Variants in NEK5 observed in about 807,000 individuals in gnomAD.
NEK5 encodes NIMA related kinase 5, also known as serine/threonine-protein kinase Nek5.
Under a neutral mutation model 109.2 loss-of-function variants are expected in NEK5, and 88 were observed. The observed-to-expected ratio is 0.81, with a 90% CI of 0.68 to 0.96. The LOEUF (loss-of-function observed/expected upper bound fraction) is 0.96. Among genes scored for constraint, NEK5 ranks in the 40% least tolerant of loss-of-function variants. The probability of loss-of-function intolerance (pLI) is 0.00; values close to 1 mark genes in which losing one functional copy is unlikely to be tolerated. For missense variants in NEK5, 834 were observed against 920.7 expected (o/e 0.91, Z 1.22); for synonymous variants, 283 against 299.9 (o/e 0.94, Z 0.58).
intron 17 of NEK5, among the ~76,000 whole-genome samples, chr13:52,078,073 CAAA>C (rs749297441): frequency 4.4e-5 from 5 of 113,010 alleles, no homozygotes; most frequent in Admixed American, 9.4e-5. Flanking sequence ...AAACTTGTCT[CAAA>C]AAAAAAAAAA....
At chr13:52,113,237 A>G (rs1311333578) in intron 4 of NEK5, among the ~76,000 whole-genome samples, 1 of 152,216 alleles carries the variant, frequency 6.6e-6, no homozygotes, top group Non-Finnish European at 1.5e-5. Flanking sequence ...CATTAAAGAA[A>G]AGAGACTAGA....
chr13:52,099,637 TCCAG>T (rs1593977177), intron 12 of NEK5, 102 bp downstream of exon 12: 22 of 1,276,714 alleles, frequency 1.7e-5, no homozygotes, highest in Non-Finnish European at 2.1e-5. Flanking sequence ...GCCACTGCAC[TCCAG>T]CCTGGCGACA....
At chr13:52,063,158 A>G (rs543171619) in intron 21 of NEK5, among the ~76,000 whole-genome samples, 2 of 151,716 alleles carry the variant, frequency 1.3e-5, no homozygotes, top group African/African-American at 2.4e-5. Flanking sequence ...ATCTCGGCTC[A>G]CTGCAACCTC....
intron 19 of NEK5, among the ~76,000 whole-genome samples, chr13:52,075,405 G>A (rs1954849710): frequency 6.6e-6 from 1 of 152,114 alleles, no homozygotes; most frequent in Admixed American, 6.6e-5. Context: ...ACCAAATTCT[G>A]CATGTTCTCA....
intron 8 of NEK5, among the ~76,000 whole-genome samples, chr13:52,105,608 C>G (rs967867668): frequency 6.6e-6 from 1 of 152,120 alleles, no homozygotes; most frequent in African/African-American, 2.4e-5. Flanking sequence ...AGGGCTTCCA[C>G]AGACCCAAAC....
At chr13:52,103,877 C>G (rs1955593719) in intron 9 of NEK5, among the ~76,000 whole-genome samples, 1 of 152,220 alleles carries the variant, frequency 6.6e-6, no homozygotes, top group South Asian at 2.1e-4. Flanking sequence ...GGAAAAGACT[C>G]TTAAAAGCTT....
chr13:52,094,994 C>T (rs7981904), intron 12 of NEK5, among the ~76,000 whole-genome samples: 81,077 of 152,062 alleles, frequency 0.53, 24,274 homozygotes, highest in Non-Finnish European at 0.67. Context: ...CATAGCTCAT[C>T]GCAGCTTCAA....
At chr13:52,046,376 C>T (rs2064355109) in intron 23 of NEK5, among the ~76,000 whole-genome samples, 1 of 149,592 alleles carries the variant, frequency 6.7e-6, no homozygotes, top group Non-Finnish European at 1.5e-5. Context: ...ACTCAGGAGG[C>T]TGAGAGGCAG....
chr13:52,075,060 C>A (rs1476607847), intron 19 of NEK5, among the ~76,000 whole-genome samples: 1 of 152,160 alleles, frequency 6.6e-6, no homozygotes, highest in Non-Finnish European at 1.5e-5. Flanking sequence ...CTGTAGAAAG[C>A]AGTTTGGATA....
intron 21 of NEK5, among the ~76,000 whole-genome samples, chr13:52,063,121 G>A (rs897349880): frequency 2.6e-5 from 4 of 151,686 alleles, no homozygotes; most frequent in South Asian, 2.1e-4. Flanking sequence ...CTCTGATGCC[G>A]AGCTGAAGCT....
intron 3 of NEK5, among the ~76,000 whole-genome samples, chr13:52,122,369 T>C (rs1215887567): frequency 6.6e-6 from 1 of 152,194 alleles, no homozygotes; most frequent in Non-Finnish European, 1.5e-5. Flanking sequence ...ATCATTAGTG[T>C]GAACACATTT....
At chr13:52,061,728 G>C (rs1413113302) in intron 22 of NEK5, 91 bp downstream of exon 22, 3 of 411,790 alleles carry the variant, frequency 7.3e-6, no homozygotes, top group Non-Finnish European at 9.8e-6. Flanking sequence ...CTCTCTCCCA[G>C]CTGAAGGTAT....
At chr13:52,100,737 A>G (rs1487723711) in intron 11 of NEK5, among the ~76,000 whole-genome samples, 2 of 152,144 alleles carry the variant, frequency 1.3e-5, no homozygotes, top group Admixed American at 1.3e-4. Context: ...TTGTTCTCCT[A>G]TCTTACCTAG....
In NEK5 at chr13:52,034,453, A is replaced by ACTT. The variant is rs1954339132; in HGVS notation, c.*2492_*2494dup. Reference sequence around the variant, plus strand: ...GTGACTATTACCTAAAATAGACTAGACTTTAGCCAAGCATCTTTTATCATG... The same window carrying ACTT: ...GTGACTATTACCTAAAATAGACTAGACTTCTTTAGCCAAGCATCTTTTATCATG... On this transcript the variant is annotated 3_prime_UTR_variant, in exon 24 of 24. Transcript: ENST00000684899. The ACTT allele has an allele frequency of 6.6e-6, 1 of 151,000 alleles. No individual in the cohort carries two copies. The allele number at this position is 151,000 out of a possible 1,614,324, so 9.4% of individuals were successfully genotyped here. A position where few individuals can be genotyped will look rare whatever the true frequency, so the allele number is the denominator to read the frequency against.
intron 19 of NEK5, among the ~76,000 whole-genome samples, chr13:52,075,534 C>T (rs1377363421): frequency 6.6e-6 from 1 of 152,132 alleles, no homozygotes; most frequent in East Asian, 1.9e-4. Flanking sequence ...AAACTAACTA[C>T]TGGGTATTAT....
rs554586521 is a variant in NEK5, at chr13:52,064,618, G to T, written c.1975+866C>A. The T allele has an allele frequency of 1.8e-3, 382 of 212,978 alleles. 2 individuals carry two copies. Among genetic ancestry groups the T allele is most frequent in the African/African-American group, 8.4e-3 (354 of 42,290 alleles). The allele number at this position is 212,978 out of a possible 1,614,324, so 13.2% of individuals were successfully genotyped here. On this transcript the variant is annotated intron_variant, in intron 21 of 23. Transcript: ENST00000684899. ...GCCCGGCCACCACCCTGTCTGGGAG[G>T]TGTACCCAACAGCTCATTGAGAACG...
At chr13:52,079,952 ACC>A in intron 17 of NEK5, among the ~76,000 whole-genome samples, 1 of 147,236 alleles carries the variant, frequency 6.8e-6, no homozygotes, top group Admixed American at 6.7e-5. Flanking sequence ...CCCGGCCGCG[ACC>A]CTGTCTGGGA....
At chr13:52,095,255 CAAG>C (rs147840323) in intron 12 of NEK5, among the ~76,000 whole-genome samples, 1,846 of 152,178 alleles carry the variant, frequency 0.012, 38 homozygotes, top group African/African-American at 0.043. Context: ...TCTTTTAAAA[CAAG>C]AAGTAGTTTT....
At chr13:52,088,865 T>G (rs1191021609) in intron 14 of NEK5, among the ~76,000 whole-genome samples, 1 of 151,364 alleles carries the variant, frequency 6.6e-6, no homozygotes, top group Admixed American at 6.6e-5. Flanking sequence ...CCTAGGTGGG[T>G]GGATCACCCG....
Sources: allele counts gnomAD v4.1 joint callset (sites outside exome capture counted in the v4.1 genomes callset), GRCh38; gene constraint gnomAD v4.1.1; transcripts MANE v1.5; gene names NCBI Gene and HGNC (gene_info 2026-07-23, HGNC 2026-07-21).